DLEU7: variants seen among roughly 807,000 people sequenced by gnomAD.
The protein encoded by DLEU7 is leukemia-associated protein 7.
DLEU7 carries 17 observed loss-of-function variants against 16.0 expected under a neutral mutation model. That is an observed-to-expected ratio of 1.06 (90% CI 0.73 to 1.59). The LOEUF (loss-of-function observed/expected upper bound fraction) is 1.59, where lower values mean the gene tolerates loss of function less well. Among genes scored for constraint, DLEU7 ranks in the 40% most tolerant of loss-of-function variants. The pLI is 0.00. For synonymous variants in DLEU7, 113 were observed against 139.8 expected (o/e 0.81, Z 1.35); for missense variants, 308 against 314.9 (o/e 0.98, Z 0.17).
intron 1 of DLEU7, among the ~76,000 whole-genome samples, chr13:50,751,260 C>A (rs1427316503): frequency 6.6e-6 from 1 of 152,142 alleles, no homozygotes; most frequent in Non-Finnish European, 1.5e-5. Flanking sequence ...TAAACCATCC[C>A]TGCATCCCTG....
intron 1 of DLEU7, among the ~76,000 whole-genome samples, chr13:50,768,288 AT>A (rs202212686): frequency 0.034 from 5,084 of 148,896 alleles, 232 homozygotes; most frequent in African/African-American, 0.1. Context: ...TCATGATTTT[AT>A]TTTTTTTTTA....
Position 50,722,149 on chromosome 13 carries a change from T to A in DLEU7, c.460-8909A>T, listed in dbSNP as rs564273399. ...GTAACTTTGCAGTGTCCTCCCAACA[T>A]GGCTGGAGTGACCTGCCCCATCCTT... On this transcript the variant is annotated intron_variant, in intron 1 of 1. Coordinates refer to the DLEU7 transcript ENST00000400393. Among the ~76,000 whole-genome samples the A allele has an allele frequency of 3.3e-5, 5 of 152,308 alleles. No homozygotes were observed. In the South Asian group the frequency reaches 8.3e-4, roughly 25 times the overall value.
intron 1 of DLEU7, among the ~76,000 whole-genome samples, chr13:50,737,516 T>A (rs1874108350): frequency 6.6e-6 from 1 of 152,184 alleles, no homozygotes; most frequent in African/African-American, 2.4e-5. Context: ...TGGTAATTCT[T>A]CCAATAATTC....
At chr13:50,777,655 A>G (rs576324670) in intron 1 of DLEU7, among the ~76,000 whole-genome samples, 16 of 152,274 alleles carry the variant, frequency 1.1e-4, no homozygotes, top group Non-Finnish European at 1.9e-4. Flanking sequence ...TTACATGAAG[A>G]ATTTCTTCTT....
intron 1 of DLEU7, among the ~76,000 whole-genome samples, chr13:50,780,909 A>G (rs982457546): frequency 6.6e-6 from 1 of 152,136 alleles, no homozygotes; most frequent in Admixed American, 6.5e-5. Context: ...GTTCTGCCAG[A>G]TAGGTTTCCA....
At chr13:50,794,930 T>G (rs183616517) in intron 1 of DLEU7, among the ~76,000 whole-genome samples, 1 of 151,450 alleles carries the variant, frequency 6.6e-6, no homozygotes, top group East Asian at 1.9e-4. Context: ...TGATTATATA[T>G]TATGTATTAT....
At chr13:50,728,481 G>C (rs188373806) in intron 1 of DLEU7, among the ~76,000 whole-genome samples, 95 of 152,106 alleles carry the variant, frequency 6.2e-4, no homozygotes, top group Admixed American at 1.0e-3. Context: ...ATAAGTGAAC[G>C]TACATTATAG....
intron 1 of DLEU7, among the ~76,000 whole-genome samples, chr13:50,724,865 C>T (rs564180530): frequency 2.6e-5 from 4 of 152,100 alleles, no homozygotes; most frequent in Non-Finnish European, 5.9e-5. Context: ...CTCTGAGGGT[C>T]CCATGCCAGC....
intron 1 of DLEU7, among the ~76,000 whole-genome samples, chr13:50,800,137 G>A (rs1876207229): frequency 6.6e-6 from 1 of 152,094 alleles, no homozygotes. Flanking sequence ...GATTAAGAAA[G>A]CACAAAGAAA....
chr13:50,816,460 A>G (rs1876738398), intron 1 of DLEU7, among the ~76,000 whole-genome samples: 1 of 152,038 alleles, frequency 6.6e-6, no homozygotes, highest in Non-Finnish European at 1.5e-5. Flanking sequence ...AGAAAGACCA[A>G]CGTCTGTTAA....
At chr13:50,758,600 G>A (rs933977884) in intron 1 of DLEU7, among the ~76,000 whole-genome samples, 7 of 152,138 alleles carry the variant, frequency 4.6e-5, no homozygotes, top group African/African-American at 9.7e-5. Context: ...AGACTCCACC[G>A]GGGGAAGTCA....
At position 50,834,182 on chromosome 13, in the gene DLEU7, T is replaced by C. The variant is rs549764177; in HGVS notation, c.459+9006A>G. ...AAAAAAATGGCAACAAAAGCCAAAA[T>C]TGATAAATAGGATCTAATTAAACTA... is the stretch of plus-strand genomic sequence containing the variant. On this transcript the variant is annotated intron_variant, in intron 1 of 1. Transcript: ENST00000504404. 1.1e-3 allele frequency among the ~76,000 whole-genome samples: 162 copies of C among 152,130 alleles called. 1 individual carries two copies. The highest frequency in any genetic ancestry group is 3.6e-3 in the African/African-American group (151 of 41,516).
intron 1 of DLEU7, among the ~76,000 whole-genome samples, chr13:50,739,496 C>T (rs1874192028): frequency 6.6e-6 from 1 of 152,140 alleles, no homozygotes; most frequent in Admixed American, 6.6e-5. Flanking sequence ...ACAGGCAAAC[C>T]TTGAGCCAAA....
chr13:50,752,734 C>G (rs952483385), intron 1 of DLEU7, among the ~76,000 whole-genome samples: 2 of 151,962 alleles, frequency 1.3e-5, no homozygotes, highest in African/African-American at 4.8e-5. Context: ...AAGCTGCAGA[C>G]CTTCGTGGTG....
rs567755978 is a variant in DLEU7 at position 50,753,028 on chromosome 13, G to A, written c.460-39788C>T. The stretch of plus-strand genomic sequence containing the variant: ...GTCCCCACCAGATTAGCTACATAAA[G>A]AGTGTTGACACAAAGTTTCTCCAAG... On this transcript the variant is annotated intron_variant, in intron 1 of 1. Transcript: ENST00000400393. 3.9e-5 allele frequency among the ~76,000 whole-genome samples: 6 copies of A among 152,250 alleles called. No homozygotes were observed. The South Asian group carries it at 1.2e-3, about 32-fold the overall frequency.
Position 50,767,455 on chromosome 13 carries a change from CAAAAA to C in DLEU7, c.460-54220_460-54216del, listed in dbSNP as rs35091007. 1.9e-3 allele frequency among the ~76,000 whole-genome samples: 124 copies of C among 64,518 alleles called. 1 individual carries two copies. Among genetic ancestry groups the C allele is most frequent in the African/African-American group, 6.7e-3 (114 of 16,998 alleles). 42.3% of individuals were successfully genotyped at this position (64,518 alleles called of 152,430 possible). A position where few individuals can be genotyped will look rare whatever the true frequency, so the allele number is the denominator to read the frequency against. On this transcript the variant is annotated intron_variant, in intron 1 of 1. Transcript: ENST00000400393. ...TGGGCGACAGAGCGAGACTCCGTCT[CAAAAA>C]AAAAAAAAAAAAAAAAAACTCCAGA...
intron 1 of DLEU7, among the ~76,000 whole-genome samples, chr13:50,796,659 A>G (rs1384480654): frequency 6.6e-6 from 1 of 152,176 alleles, no homozygotes; most frequent in Non-Finnish European, 1.5e-5. Context: ...ACTCCCACTC[A>G]GTCATGTGAC....
intron 1 of DLEU7, among the ~76,000 whole-genome samples, chr13:50,755,806 A>G (rs1237532937): frequency 6.6e-6 from 1 of 151,906 alleles, no homozygotes; most frequent in Non-Finnish European, 1.5e-5. Context: ...CCATATTACC[A>G]GTGTTGTTTT....
intron 1 of DLEU7, among the ~76,000 whole-genome samples, chr13:50,784,257 C>T (rs1875739226): frequency 6.6e-6 from 1 of 152,178 alleles, no homozygotes; most frequent in East Asian, 1.9e-4. Flanking sequence ...TTCCTAGCTG[C>T]TTACTTCAGA....
Sources: gnomAD v4.1 joint callset for allele counts (sites outside exome capture counted in the v4.1 genomes callset) on GRCh38, gnomAD v4.1.1 for gene constraint, MANE v1.5 for transcripts, NCBI Gene and HGNC (gene_info 2026-07-23, HGNC 2026-07-21) for gene names.